Variants in SRRM1 observed in about 807,000 individuals in gnomAD.
SRRM1 encodes the protein serine and arginine repetitive matrix 1, also known as serine/arginine repetitive matrix protein 1.
SRRM1 carries 19 observed loss-of-function variants against 110.2 expected under a neutral mutation model. That is an observed-to-expected ratio of 0.17 (90% CI 0.12 to 0.25). The LOEUF (loss-of-function observed/expected upper bound fraction) is 0.25, where lower values mean the gene tolerates loss of function less well. Ranked by LOEUF, SRRM1 falls within the 10% of genes least tolerant of loss-of-function variation. The pLI is 1.00. For missense variants in SRRM1, 918 were observed against 1,145.8 expected (o/e 0.80, Z 2.87); for synonymous variants, 443 against 414.9 (o/e 1.07, Z -0.82).
In SRRM1 at chr1:24,643,341, T is replaced by C. The variant is rs915336684; in HGVS notation, c.15T>C (p.Phe5=). 3.9e-6 allele frequency: 6 copies of C among 1,553,294 alleles called. No individual in the cohort carries two copies. The highest frequency in any genetic ancestry group is 5.2e-6 in the Non-Finnish European group (6 of 1,155,136). Reference sequence around the variant, plus strand: ...GAGGCGGCAAGATGGACGCGGGATTTTTCCGCGTAAGTAGAAGCGCCGGGC... The same window carrying C: ...GAGGCGGCAAGATGGACGCGGGATTCTTCCGCGTAAGTAGAAGCGCCGGGC... MDAG[F]FRGTSAEQDN... The change falls in exon 1 of 17, where the codon TTT becomes TTC. Residue 5 remains phenylalanine (F), a synonymous_variant. Transcript: ENST00000323848.
chr1:24,654,820 G>T (rs1188254770), intron 8 of SRRM1, 35 bp from the exon 9 acceptor site: 6 of 1,611,920 alleles, frequency 3.7e-6, no homozygotes, highest in East Asian at 4.5e-5. Context: ...CTTTATAAGT[G>T]TGCAATTAGT....
rs371119422 is a variant in SRRM1, at chr1:24,649,961, G to T, written c.406-10G>T. The T allele has an allele frequency of 2.5e-5, 39 of 1,563,440 alleles. No individual in the cohort carries two copies. In the South Asian group the frequency reaches 3.4e-4, roughly 14 times the overall value. ...CAACTATGTGTATTTTGAAAACCTGGTCTTTGCAGATTGAACAAGAAAAAC... is the reference window on the plus strand; with the variant it reads ...CAACTATGTGTATTTTGAAAACCTGTTCTTTGCAGATTGAACAAGAAAAAC... On this transcript the variant is annotated splice_polypyrimidine_tract_variant and intron_variant, in intron 4 of 16. Transcript: ENST00000323848.
chr1:24,647,908 G>A (rs987480442), intron 3 of SRRM1: 4 of 152,216 alleles, frequency 2.6e-5, no homozygotes, highest in Non-Finnish European at 4.4e-5. Flanking sequence ...AAAAACCTAA[G>A]TATCTGGTAG....
intron 12 of SRRM1, chr1:24,663,278 C>A: frequency 7.4e-7 from 1 of 1,356,064 alleles, no homozygotes. Flanking sequence ...ATTGTAGTGA[C>A]TTAATTTCCT....
In SRRM1 at chr1:24,645,977, C is replaced by T. The variant is rs1657312734; in HGVS notation, c.22-7C>T. On this transcript the variant is annotated splice_polypyrimidine_tract_variant and splice_region_variant and intron_variant, in intron 1 of 16. Coordinates refer to ENST00000323848, the MANE Select transcript of SRRM1 (RefSeq NM_005839.4). ...CCCTTAGTTAAGATGTGGTTCTCTT[C>T]CTGCAGGGAACAAGTGCAGAACAGG... 6.2e-7 allele frequency: 1 copy of T among 1,611,626 alleles called. No homozygotes were observed. The highest frequency in any genetic ancestry group is 1.7e-5 in the Admixed American group (1 of 59,862).
chr1:24,672,179 T>G lies in SRRM1; in HGVS notation c.2611-3T>G. 1 of 1,606,438 alleles carries G rather than the reference T, an allele frequency of 6.2e-7. No individual in the cohort carries two copies. The highest frequency in any genetic ancestry group is 8.5e-7 in the Non-Finnish European group (1 of 1,175,460). ...TTAACCGTGTAAATTCTGTTTTTTT[T>G]AGGAGACTGAAAGTGAAGCTGAAGA... On this transcript the variant is annotated splice_polypyrimidine_tract_variant and splice_region_variant and intron_variant, in intron 16 of 16. Coordinates refer to ENST00000323848, the MANE Select transcript of SRRM1 (RefSeq NM_005839.4).
intron 15 of SRRM1, among the ~76,000 whole-genome samples, 194 bp from the exon 16 acceptor site, chr1:24,671,192 G>A (rs777529864): frequency 6.6e-6 from 1 of 152,178 alleles, no homozygotes. Context: ...AGCTCATCCT[G>A]GAGATAGCCC....
rs1673229125 is a variant in SRRM1 at position 24,672,466 on chromosome 1, A to G, written c.*180A>G. The G allele has an allele frequency of 2.6e-6, 1 of 391,814 alleles. No individual in the cohort carries two copies. Among genetic ancestry groups the G allele is most frequent in the East Asian group, 4.3e-5 (1 of 23,086 alleles). 24.3% of individuals were successfully genotyped at this position (391,814 alleles called of 1,614,324 possible). A position where few individuals can be genotyped will look rare whatever the true frequency, so the allele number is the denominator to read the frequency against. On this transcript the variant is annotated 3_prime_UTR_variant, in exon 17 of 17. Transcript: ENST00000323848. Reference sequence around the variant, plus strand: ...TTGCAAAAGGTGTCCACAGTGTATTAGTGACATTCTTTCATTGACAGCTGA... The same window carrying G: ...TTGCAAAAGGTGTCCACAGTGTATTGGTGACATTCTTTCATTGACAGCTGA...
intron 8 of SRRM1, 124 bp downstream of exon 8, chr1:24,653,156 T>A (rs1264709472): frequency 2.2e-6 from 2 of 896,914 alleles, no homozygotes; most frequent in African/African-American, 3.4e-5. Flanking sequence ...AGACAATGTC[T>A]TCTAAAGAGT....
At chr1:24,652,720 G>T (rs951070356) in intron 7 of SRRM1, 92 bp downstream of exon 7, 4 of 1,339,650 alleles carry the variant, frequency 3.0e-6, no homozygotes, top group Non-Finnish European at 4.0e-6. Context: ...AGTGGTAGAA[G>T]ATGTTTAGTA....
intron 12 of SRRM1, 77 bp from the exon 13 acceptor site, chr1:24,666,738 C>G (rs1451660814): frequency 1.7e-6 from 2 of 1,175,984 alleles, no homozygotes; most frequent in Non-Finnish European, 2.5e-6. Flanking sequence ...GCACTCCAGC[C>G]TGGGCGACAG....
At chr1:24,668,256 C>G (rs536231474) in intron 13 of SRRM1, among the ~76,000 whole-genome samples, 40 of 152,308 alleles carry the variant, frequency 2.6e-4, no homozygotes, top group African/African-American at 9.4e-4. Context: ...GTGTGACCCA[C>G]TCTGCCCAGC....
Position 24,669,235 on chromosome 1 carries a change from C to A in SRRM1, c.1852C>A (p.Pro618Thr). Residue 618 changes from proline to threonine, a missense_variant, in exon 14 of 17, where the codon CCT becomes ACT. Physicochemically the swap from Pro to Thr is conservative, Grantham distance 38 (BLOSUM62 -1). This residue lies in a region of SRRM1 where 357 missense variants were observed against 402.9 expected (regional missense o/e 0.89). Coordinates refer to ENST00000323848, the MANE Select transcript of SRRM1 (RefSeq NM_005839.4). ...TCCAAAGAGAAGAACGGCTTCACCT[C>A]CTCCCCCTCCTAAACGAAGAGCATC... The part of the protein sequence containing the change: ...PPPKRRTASP[P>T]PPPKRRASPS... 6.2e-7 allele frequency: 1 copy of A among 1,614,148 alleles called. No individual in the cohort carries two copies. The highest frequency in any genetic ancestry group is 1.1e-5 in the South Asian group (1 of 91,080).
Position 24,650,152 on chromosome 1 carries a change from T to C in SRRM1, c.521+66T>C, listed in dbSNP as rs566113166. On this transcript the variant is annotated intron_variant, in intron 5 of 16. Transcript: ENST00000323848. ...TTTAGGTCTTAAGAAACTTCCTTAG[T>C]TAAAAAGGAATCTAACAGCGCTATT... 3.3e-5 allele frequency: 47 copies of C among 1,424,880 alleles called. No individual in the cohort carries two copies. In the East Asian group the frequency reaches 1.2e-3, roughly 36 times the overall value. The allele number at this position is 1,424,880 out of a possible 1,614,324, so 88.3% of individuals were successfully genotyped here. A position where few individuals can be genotyped will look rare whatever the true frequency, so the allele number is the denominator to read the frequency against.
chr1:24,653,124 G>A (rs1661959716), intron 8 of SRRM1, 92 bp downstream of exon 8: 2 of 1,234,256 alleles, frequency 1.6e-6, no homozygotes, highest in Admixed American at 2.5e-5. Context: ...TCCCCTGGAA[G>A]AAAGAACTGA....
At position 24,671,730 on chromosome 1, in the gene SRRM1, A is replaced by G. The variant is rs1261615991; in HGVS notation, c.2610+135A>G. 4.3e-6 allele frequency: 3 copies of G among 697,842 alleles called. No homozygotes were observed. The East Asian group carries it at 8.1e-5, about 19-fold the overall frequency. The allele number at this position is 697,842 out of a possible 1,614,324, so 43.2% of individuals were successfully genotyped here. ...CTGAGATAAAAGTCACGTACCATACAGTTCACCCATTTAAAGTTTGTGGTT... is the reference window on the plus strand; with the variant it reads ...CTGAGATAAAAGTCACGTACCATACGGTTCACCCATTTAAAGTTTGTGGTT... On this transcript the variant is annotated intron_variant, in intron 16 of 16. Transcript: ENST00000323848.
chr1:24,645,625 C>T (rs1657020591), intron 1 of SRRM1, among the ~76,000 whole-genome samples: 1 of 152,158 alleles, frequency 6.6e-6, no homozygotes, highest in Admixed American at 6.5e-5. Flanking sequence ...AATGAAATTT[C>T]AAATACTTCA....
chr1:24,666,665 T>C, intron 12 of SRRM1, 150 bp from the exon 13 acceptor site: 1 of 588,454 alleles, frequency 1.7e-6, no homozygotes, highest in East Asian at 3.3e-5. Context: ...CTCAGGAGGC[T>C]GAGGGGGGAG....
At chr1:24,655,997 C>G (rs1278865348) in intron 9 of SRRM1, among the ~76,000 whole-genome samples, 1 of 152,080 alleles carries the variant, frequency 6.6e-6, no homozygotes, top group Non-Finnish European at 1.5e-5. Flanking sequence ...CCCAGCTACT[C>G]AGAAGGCTAA....
Sources: allele counts gnomAD v4.1 joint callset (sites outside exome capture counted in the v4.1 genomes callset), GRCh38; gene constraint gnomAD v4.1.1; regional missense constraint gnomAD v4.1.1; transcripts MANE v1.5; gene names NCBI Gene and HGNC (gene_info 2026-07-23, HGNC 2026-07-21).